Variants in BACH2 observed in about 807,000 individuals in gnomAD.
The protein encoded by BACH2 is BACH transcriptional regulator 2, also known as transcription regulator protein BACH2.
A neutral mutation model predicts 61.8 loss-of-function variants in BACH2; 5 were observed. That is an observed-to-expected ratio of 0.08 (90% CI 0.04 to 0.17). The LOEUF (loss-of-function observed/expected upper bound fraction) is 0.17. Ranked by LOEUF, BACH2 falls within the 10% of genes least tolerant of loss-of-function variation. The pLI, the probability that BACH2 is intolerant of heterozygous loss-of-function variation, is 1.00. For missense variants in BACH2, 824 were observed against 1,091.1 expected (o/e 0.76, Z 3.45); for synonymous variants, 446 against 440.1 (o/e 1.01, Z -0.17).
At chr6:90,246,930 C>T (rs948241049) in intron 3 of BACH2, among the ~76,000 whole-genome samples, 3 of 151,916 alleles carry the variant, frequency 2.0e-5, no homozygotes, top group African/African-American at 7.3e-5. Flanking sequence ...CGTTAAAGTC[C>T]TATGAAAATT....
intron 4 of BACH2, among the ~76,000 whole-genome samples, chr6:90,184,484 C>T (rs887457223): frequency 1.5e-4 from 23 of 152,350 alleles, no homozygotes; most frequent in African/African-American, 3.6e-4. Context: ...CCCTCCACCC[C>T]TTCACTGCTG....
chr6:89,960,073 C>T, intron 6 of BACH2, among the ~76,000 whole-genome samples: 1 of 152,218 alleles, frequency 6.6e-6, no homozygotes, highest in South Asian at 2.1e-4. Flanking sequence ...CGCCCCTCCA[C>T]CATGCTCACA....
chr6:90,202,428 A>T (rs1312572529), intron 4 of BACH2, among the ~76,000 whole-genome samples: 2 of 152,208 alleles, frequency 1.3e-5, no homozygotes, highest in Non-Finnish European at 2.9e-5. Context: ...GAAAATATTC[A>T]GAGAAAAAAA....
chr6:89,986,281 G>A (rs544435607), intron 6 of BACH2, among the ~76,000 whole-genome samples: 70 of 151,800 alleles, frequency 4.6e-4, no homozygotes, highest in Admixed American at 4.0e-3. Context: ...ATCCTTGTGG[G>A]CATATTTCTC....
At chr6:90,173,329 A>G (rs1240412742) in intron 4 of BACH2, among the ~76,000 whole-genome samples, 2 of 152,178 alleles carry the variant, frequency 1.3e-5, no homozygotes, top group African/African-American at 2.4e-5. Context: ...AATAGACAAC[A>G]TATGTCCACA....
chr6:90,008,321 C>T lies in BACH2; in HGVS notation c.243+281G>A. 2.0e-6 allele frequency: 1 copy of T among 488,532 alleles called. No individual in the cohort carries two copies. 30.3% of individuals were successfully genotyped at this position (488,532 alleles called of 1,614,324 possible). ...CATCTAGGACTGTGCCAAACTTAGG[C>T]TGAACCACTCAAAACCTGAAGGGTA... On this transcript the variant is annotated intron_variant, in intron 6 of 8. Transcript: ENST00000257749. This position sits in a 1 kb window ranked among gnomAD's most constrained non-coding sequence, Gnocchi z 4.1.
At position 89,950,462 on chromosome 6, in the gene BACH2, C is replaced by A. The variant is rs534305159; in HGVS notation, c.1644G>T (p.Ser548=). The A allele has an allele frequency of 6.2e-7, 1 of 1,614,132 alleles. No homozygotes were observed. The highest frequency in any genetic ancestry group is 8.5e-7 in the Non-Finnish European group (1 of 1,180,014). ...GGAATCTGGCTCCCTGGGAACAGGG[C>A]GAGGAGGAGAACTCACAGAGAGGGA... ...CSLPLCEFSS[S]PCSQGARFLA... is the part of the protein sequence containing the mutation. Residue 548 remains serine, a synonymous_variant, in exon 7 of 9, where the codon TCG becomes TCT. Transcript: ENST00000257749. This position sits in a 1 kb window ranked among gnomAD's most constrained non-coding sequence, Gnocchi z 5.3.
At chr6:90,247,338 T>C (rs748240664) in intron 3 of BACH2, among the ~76,000 whole-genome samples, 1 of 151,624 alleles carries the variant, frequency 6.6e-6, no homozygotes, top group Non-Finnish European at 1.5e-5. Flanking sequence ...TGGGCTCAAG[T>C]GATCCTCCTG....
At chr6:89,943,104 G>A (rs924932132) in intron 7 of BACH2, among the ~76,000 whole-genome samples, 3 of 152,184 alleles carry the variant, frequency 2.0e-5, no homozygotes, top group South Asian at 2.1e-4. Context: ...GAGCCACCAC[G>A]CCTGGCTAGG....
At chr6:90,187,046 A>T (rs2127843253) in intron 4 of BACH2, among the ~76,000 whole-genome samples, 1 of 152,364 alleles carries the variant, frequency 6.6e-6, no homozygotes, top group Admixed American at 6.5e-5. Context: ...CTTCCTCTAT[A>T]TTAAGAAGGA....
At chr6:90,029,063 T>C (rs1346524981) in intron 5 of BACH2, among the ~76,000 whole-genome samples, 2 of 152,228 alleles carry the variant, frequency 1.3e-5, no homozygotes, top group Non-Finnish European at 2.9e-5. Flanking sequence ...GGCTTGCCTT[T>C]TCTTCACGTA....
intron 3 of BACH2, among the ~76,000 whole-genome samples, chr6:90,232,064 C>T (rs1236846865): frequency 1.3e-5 from 2 of 152,174 alleles, no homozygotes; most frequent in Non-Finnish European, 2.9e-5. Flanking sequence ...ACAAGAGTGC[C>T]TTGCAAGGTT....
chr6:90,199,198 C>T (rs577946225), intron 4 of BACH2, among the ~76,000 whole-genome samples: 1 of 152,186 alleles, frequency 6.6e-6, no homozygotes, highest in Admixed American at 6.5e-5. Context: ...CAGTGCTTCA[C>T]CACACACTGC....
chr6:90,019,076 C>T (rs1778238165), intron 5 of BACH2, among the ~76,000 whole-genome samples: 1 of 152,160 alleles, frequency 6.6e-6, no homozygotes, highest in Admixed American at 6.5e-5. Context: ...TCTCCTACCA[C>T]ACTGAGTCTC....
chr6:90,137,234 T>C (rs1582407931), intron 4 of BACH2, among the ~76,000 whole-genome samples: 2 of 152,184 alleles, frequency 1.3e-5, no homozygotes. Flanking sequence ...CTCCACTGCA[T>C]GTCACATGAA....
chr6:90,022,153 A>G (rs189202222), intron 5 of BACH2, among the ~76,000 whole-genome samples: 9 of 152,322 alleles, frequency 5.9e-5, no homozygotes, highest in African/African-American at 2.2e-4. Context: ...AACAAGTCCC[A>G]ATTTTTTTTG....
At chr6:89,999,182 T>C (rs1562357404) in intron 6 of BACH2, among the ~76,000 whole-genome samples, 1 of 152,244 alleles carries the variant, frequency 6.6e-6, no homozygotes, top group African/African-American at 2.4e-5. Flanking sequence ...AATCAATGTT[T>C]GCCTTCTATT....
intron 4 of BACH2, among the ~76,000 whole-genome samples, chr6:90,199,417 G>T (rs1253646782): frequency 2.0e-5 from 3 of 152,088 alleles, no homozygotes; most frequent in African/African-American, 7.2e-5. Flanking sequence ...ACACACACAC[G>T]CACACATTAT....
intron 5 of BACH2, among the ~76,000 whole-genome samples, chr6:90,079,170 G>A (rs1047575625): frequency 3.3e-5 from 5 of 152,138 alleles, no homozygotes; most frequent in African/African-American, 1.2e-4. Context: ...GGTTGCATTC[G>A]ACTCAGCAGC....
Sources: allele counts gnomAD v4.1 joint callset (sites outside exome capture counted in the v4.1 genomes callset), GRCh38; gene constraint gnomAD v4.1.1; non-coding constraint Gnocchi (gnomAD v3.1); transcripts MANE v1.5; gene names NCBI Gene and HGNC (gene_info 2026-07-23, HGNC 2026-07-21).